RCC1L: variants seen among roughly 807,000 people sequenced by gnomAD.
The protein encoded by RCC1L is RCC1-like G exchanging factor-like protein.
A neutral mutation model predicts 58.6 loss-of-function variants in RCC1L; 46 were observed. That is an observed-to-expected ratio of 0.79 (90% CI 0.62 to 1.00). The LOEUF (loss-of-function observed/expected upper bound fraction) is 1.00. Among genes scored for constraint, RCC1L ranks in the 50% least tolerant of loss-of-function variants. RCC1L has a pLI of 0.00. For missense variants in RCC1L, 636 were observed against 623.6 expected (o/e 1.02, Z -0.21); for synonymous variants, 281 against 262.9 (o/e 1.07, Z -0.67).
At chr7:75,056,112 C>T in intron 8 of RCC1L, 38 bp from the exon 9 acceptor site, 1 of 1,611,484 alleles carries the variant, frequency 6.2e-7, no homozygotes, top group Non-Finnish European at 8.5e-7. Context: ...TAAGTCCATC[C>T]AAGTAAGAAC....
chr7:75,033,895 TAAAGC>T (rs1298358816), intron 10 of RCC1L, among the ~76,000 whole-genome samples: 1 of 151,730 alleles, frequency 6.6e-6, no homozygotes, highest in Non-Finnish European at 1.5e-5. Context: ...AATTAAAAAA[TAAAGC>T]AAAGGCCACA....
intron 2 of RCC1L, among the ~76,000 whole-genome samples, chr7:75,069,725 G>A (rs1411811007): frequency 2.0e-5 from 3 of 151,744 alleles, no homozygotes; most frequent in South Asian, 2.1e-4. Flanking sequence ...CACCATGCCC[G>A]GCTAATTTTT....
intron 10 of RCC1L, among the ~76,000 whole-genome samples, chr7:75,045,454 C>T (rs1237593285): frequency 6.6e-6 from 1 of 151,940 alleles, no homozygotes; most frequent in Non-Finnish European, 1.5e-5. Context: ...TGCTGGGATT[C>T]CAGGTGTGAT....
At chr7:75,057,035 G>A (rs1465337862) in intron 8 of RCC1L, among the ~76,000 whole-genome samples, 6 of 151,962 alleles carry the variant, frequency 3.9e-5, no homozygotes, top group Admixed American at 1.3e-4. Flanking sequence ...GTGCAGTGGC[G>A]CAATCTCGGC....
At chr7:75,070,873 G>C (rs1248996039) in intron 1 of RCC1L, 104 bp from the exon 2 acceptor site, 16 of 1,479,266 alleles carry the variant, frequency 1.1e-5, no homozygotes, top group Non-Finnish European at 1.5e-5. Flanking sequence ...TACTATTTAC[G>C]GGGGTTTTGT....
At chr7:75,036,223 TCTC>T (rs1805428283) in intron 10 of RCC1L, among the ~76,000 whole-genome samples, 1 of 150,834 alleles carries the variant, frequency 6.6e-6, no homozygotes. Flanking sequence ...TTCAAGCAAT[TCTC>T]CTGCCTCAGC....
Position 75,055,969 on chromosome 7 carries a change from G to A in RCC1L, c.1163C>T (p.Thr388Met), listed in dbSNP as rs150147044. 120 of 1,613,936 alleles carry A rather than the reference G, an allele frequency of 7.4e-5. No individual in the cohort carries two copies. Among genetic ancestry groups the A allele is most frequent in the Non-Finnish European group, 9.7e-5 (115 of 1,179,868 alleles). The change falls in exon 9 of 11, where the codon ACG becomes ATG. Residue 388 changes from threonine to methionine, a missense_variant. Physicochemically the swap from Thr to Met is moderately conservative, Grantham distance 81 (BLOSUM62 -1). Coordinates refer to ENST00000610322, the MANE Select transcript of RCC1L (RefSeq NM_030798.5). ...AACCTGGATTTCTGGGTTGAACTCC[G>A]TCAAGCCAAAGAGAGTGGGTGGAAT... ...EMIPPTLFGL[T>M]EFNPEIQVSR... is the part of the protein sequence containing the mutation.
In RCC1L at chr7:75,058,664, A is replaced by G. The variant is rs989970641; in HGVS notation, c.893T>C (p.Val298Ala). The change falls in exon 7 of 11, where the codon GTG becomes GCG. Residue 298 changes from valine (V) to alanine (A), a missense_variant. Coordinates refer to ENST00000610322, the MANE Select transcript of RCC1L (RefSeq NM_030798.5). The stretch of plus-strand genomic sequence containing the variant: ...ACCAAAAAGTCCTCCGTCGGCGGAC[A>G]CGGCCAGGCAGCAATCACCGTAGGT... ...VATYGDCCLA[V>A]SADGGLFGWG... The G allele has an allele frequency of 1.0e-4, 166 of 1,613,852 alleles. No homozygotes were observed. Among genetic ancestry groups the G allele is most frequent in the Middle Eastern group, 1.6e-4 (1 of 6,078 alleles).
intron 10 of RCC1L, 125 bp downstream of exon 10, chr7:75,052,586 G>A (rs971105519): frequency 3.1e-5 from 27 of 861,452 alleles, no homozygotes; most frequent in Non-Finnish European, 4.9e-5. Context: ...GTGCAGCCAG[G>A]ACCCGGAAGG....
intron 3 of RCC1L, 96 bp from the exon 4 acceptor site, chr7:75,064,744 T>C: frequency 1.5e-6 from 2 of 1,367,300 alleles, no homozygotes; most frequent in Non-Finnish European, 2.1e-6. Context: ...CCCGTCCTGG[T>C]TACTCACCCC....
chr7:75,039,279 C>G (rs1194586661), downstream of RCC1L, among the ~76,000 whole-genome samples: 1 of 152,246 alleles, frequency 6.6e-6, no homozygotes, highest in Non-Finnish European at 1.5e-5. Context: ...CCAGGCACGG[C>G]ACTGGGCACT....
chr7:75,028,133 T>C, intron 10 of RCC1L: 10 of 1,447,264 alleles, frequency 6.9e-6, no homozygotes, highest in Non-Finnish European at 8.2e-6. Flanking sequence ...TTTTTTTTTT[T>C]TTGAGACGGA....
At chr7:75,052,443 G>T (rs1805941328) in intron 10 of RCC1L, among the ~76,000 whole-genome samples, 2 of 152,358 alleles carry the variant, frequency 1.3e-5, no homozygotes, top group East Asian at 3.9e-4. Flanking sequence ...GGGCCGGGAT[G>T]GGTTGACCCA....
chr7:75,040,265 G>A (rs1805523152), downstream of RCC1L, among the ~76,000 whole-genome samples: 1 of 152,200 alleles, frequency 6.6e-6, no homozygotes, highest in African/African-American at 2.4e-5. Context: ...TTCGAGACCA[G>A]CCTGGCCAAC....
intron 6 of RCC1L, among the ~76,000 whole-genome samples, chr7:75,059,100 C>T (rs1356293650): frequency 7.1e-6 from 1 of 140,930 alleles, no homozygotes; most frequent in Non-Finnish European, 1.5e-5. Context: ...GGCTGAGGCA[C>T]AAGAATCACT....
intron 8 of RCC1L, among the ~76,000 whole-genome samples, chr7:75,056,956 G>A (rs1806100319): frequency 6.6e-6 from 1 of 152,084 alleles, no homozygotes; most frequent in Non-Finnish European, 1.5e-5. Context: ...GACTACAGGT[G>A]TGCACCACCA....
chr7:75,027,521 T>C (rs1805170341), exon 11 of RCC1L: 1 of 159,740 alleles, frequency 6.3e-6, no homozygotes, highest in African/African-American at 2.4e-5. Context: ...GTTTTTTTTG[T>C]TTTTTGTAAC....
Position 75,061,202 on chromosome 7 carries a change from T to A in RCC1L, c.787+5A>T, listed in dbSNP as rs1179622239. The A allele has an allele frequency of 6.2e-7, 1 of 1,613,266 alleles. No homozygotes were observed. On this transcript the variant is annotated splice_donor_5th_base_variant and intron_variant, in intron 6 of 10. Transcript: ENST00000610322. ...CACGACCCCAGTGCATGAAAAGAAC[T>A]CTACCTGTTTGCCCATCAGCACCCC...
At chr7:75,040,374 T>G (rs1469308007), downstream of RCC1L, among the ~76,000 whole-genome samples, 3 of 152,248 alleles carry the variant, frequency 2.0e-5, no homozygotes, top group South Asian at 2.1e-4. Context: ...GCAAGAGAAT[T>G]GCTTGAACCC....
Sources: allele counts gnomAD v4.1 joint callset (sites outside exome capture counted in the v4.1 genomes callset), GRCh38; gene constraint gnomAD v4.1.1; transcripts MANE v1.5; gene names NCBI Gene and HGNC (gene_info 2026-07-23, HGNC 2026-07-21).